Variants in ATG2B observed in about 807,000 individuals in gnomAD.
The protein encoded by ATG2B is autophagy-related protein 2 homolog B.
ATG2B carries 121 observed loss-of-function variants against 241.3 expected under a neutral mutation model. That is an observed-to-expected ratio of 0.50 (90% CI 0.43 to 0.58). ATG2B has a LOEUF of 0.58. Ranked by LOEUF, ATG2B falls within the 20% of genes least tolerant of loss-of-function variation. The probability of loss-of-function intolerance (pLI) is 0.00; values close to 1 mark genes in which losing one functional copy is unlikely to be tolerated. For missense variants in ATG2B, 2,306 were observed against 2,491.6 expected (o/e 0.93, Z 1.59); for synonymous variants, 858 against 876.6 (o/e 0.98, Z 0.37).
intron 4 of ATG2B, among the ~76,000 whole-genome samples, chr14:96,343,609 C>T (rs545451158): frequency 3.3e-5 from 5 of 152,084 alleles, no homozygotes; most frequent in African/African-American, 1.2e-4. Flanking sequence ...CTTTATGAGG[C>T]TTAAATTGAG....
intron 34 of ATG2B, among the ~76,000 whole-genome samples, chr14:96,297,443 G>A (rs1451373576): frequency 6.6e-6 from 1 of 152,094 alleles, no homozygotes; most frequent in East Asian, 1.9e-4. Context: ...TGTTGCCCAG[G>A]CTGGAGTGCA....
At position 96,291,032 on chromosome 14, in the gene ATG2B, AT is replaced by A. The variant is rs1886470112; in HGVS notation, c.5580-98del. ...TTTTTACTTAAAACAAATTCTACAA[AT>A]TATAAGGGCAAATATTACAGGTGCT... On this transcript the variant is annotated intron_variant, in intron 38 of 41. Coordinates refer to ENST00000359933, the MANE Select transcript of ATG2B (RefSeq NM_018036.7). 2.4e-5 allele frequency: 25 copies of A among 1,047,358 alleles called. No individual in the cohort carries two copies. In the South Asian group the frequency reaches 4.2e-4, roughly 18 times the overall value. The allele number at this position is 1,047,358 out of a possible 1,614,324, so 64.9% of individuals were successfully genotyped here.
chr14:96,306,303 C>T (rs1007483488), intron 30 of ATG2B, among the ~76,000 whole-genome samples: 1 of 140,610 alleles, frequency 7.1e-6, no homozygotes, highest in Non-Finnish European at 1.6e-5. Flanking sequence ...TTTCCAAATA[C>T]ACATACACAC....
intron 18 of ATG2B, among the ~76,000 whole-genome samples, chr14:96,319,453 C>T (rs1228315527): frequency 2.6e-5 from 4 of 151,994 alleles, no homozygotes; most frequent in African/African-American, 4.8e-5. Flanking sequence ...AAACAATTTT[C>T]GACACAGAAA....
At position 96,343,195 on chromosome 14, in the gene ATG2B, A is replaced by C; in HGVS notation, c.668T>G (p.Leu223Arg). The C allele has an allele frequency of 6.2e-7, 1 of 1,610,056 alleles. No individual in the cohort carries two copies. The highest frequency in any genetic ancestry group is 1.1e-5 in the South Asian group (1 of 90,702). ...PTAFAHKLLQ[L>R]SGVSLFWDEF... is the part of the protein sequence containing the mutation. ...ATCCCAGAAGAGAGACACTCCAGAG[A>C]GCTGAAGTAACTTGTGAGCAAAAGC... The change falls in exon 5 of 42, where the codon CTC becomes CGC. Residue 223 changes from leucine (L) to arginine (R), a missense_variant. Leu to Arg is a moderately radical substitution (Grantham distance 102, BLOSUM62 -2). Coordinates refer to ENST00000359933, the MANE Select transcript of ATG2B (RefSeq NM_018036.7).
chr14:96,296,693 G>A (rs1358852070), intron 34 of ATG2B, among the ~76,000 whole-genome samples: 5 of 151,446 alleles, frequency 3.3e-5, no homozygotes, highest in East Asian at 1.9e-4. Context: ...CCTGGGAGGC[G>A]GAGGCTGCAG....
Position 96,289,957 on chromosome 14 carries a change from A to G in ATG2B, c.5857-152T>C. On this transcript the variant is annotated intron_variant, in intron 40 of 41. Coordinates refer to ENST00000359933, the MANE Select transcript of ATG2B (RefSeq NM_018036.7). This position sits in a 1 kb window ranked among gnomAD's most constrained non-coding sequence, Gnocchi z 4.3. ...CTGCGTATCTGAATTCTTTACCACA[A>G]GAATTGATGACTTTTATAACGAGAA... is the stretch of plus-strand genomic sequence containing the variant. 1.1e-6 allele frequency: 1 copy of G among 908,726 alleles called. No individual in the cohort carries two copies. Among genetic ancestry groups the G allele is most frequent in the Non-Finnish European group, 1.6e-6 (1 of 619,626 alleles). The allele number at this position is 908,726 out of a possible 1,614,324, so 56.3% of individuals were successfully genotyped here.
chr14:96,335,617 C>T (rs1043361947), intron 6 of ATG2B, among the ~76,000 whole-genome samples: 4 of 152,096 alleles, frequency 2.6e-5, no homozygotes, highest in African/African-American at 9.7e-5. Flanking sequence ...CTAGGCTGAC[C>T]TGGAGGAAAA....
rs546611643 is a variant in ATG2B at position 96,342,980 on chromosome 14, C to T, written c.744+139G>A. ...TTCAAATCTCTGAAACATATATTAC[C>T]ATTACTGAATATTTGCATTAAATCT... On this transcript the variant is annotated intron_variant, in intron 5 of 41. Coordinates refer to ENST00000359933, the MANE Select transcript of ATG2B (RefSeq NM_018036.7). 9 of 552,122 alleles carry T rather than the reference C, an allele frequency of 1.6e-5. No individual in the cohort carries two copies. In the East Asian group the frequency reaches 2.1e-4, roughly 13 times the overall value. The allele number at this position is 552,122 out of a possible 1,614,324, so 34.2% of individuals were successfully genotyped here.
At chr14:96,326,454 C>T (rs777534320) in intron 14 of ATG2B, among the ~76,000 whole-genome samples, 9 of 152,112 alleles carry the variant, frequency 5.9e-5, no homozygotes, top group Non-Finnish European at 1.0e-4. Context: ...CACTAAATGA[C>T]GCACTCTGAG....
chr14:96,322,726 C>G lies in ATG2B; in HGVS notation c.2550G>C (p.Leu850=). Reference sequence around the variant, plus strand: ...AATGCATGGCTGGTGGATTTATTTTCAGTACAATTCTGATAGCAAAGACAA... The same window carrying G: ...AATGCATGGCTGGTGGATTTATTTTGAGTACAATTCTGATAGCAAAGACAA... The part of the protein sequence containing the change: ...SDDFDWPRIV[L]KINPPAMHSI... The change falls in exon 17 of 42, where the codon CTG becomes CTC. Residue 850 remains leucine (L), a synonymous_variant. Coordinates refer to ENST00000359933, the MANE Select transcript of ATG2B (RefSeq NM_018036.7). 6.2e-7 allele frequency: 1 copy of G among 1,610,854 alleles called. No individual in the cohort carries two copies. Among genetic ancestry groups the G allele is most frequent in the Non-Finnish European group, 8.5e-7 (1 of 1,178,956 alleles).
At chr14:96,360,933 C>CAAAAAAA (rs35630598) in intron 1 of ATG2B, among the ~76,000 whole-genome samples, 8 of 73,650 alleles carry the variant, frequency 1.1e-4, no homozygotes, top group Middle Eastern at 9.3e-3. Context: ...AATCCTCTAC[C>CAAAAAAA]AAAAAAAAAA....
At chr14:96,300,048 G>A (rs1886748538) in intron 34 of ATG2B, among the ~76,000 whole-genome samples, 1 of 152,130 alleles carries the variant, frequency 6.6e-6, no homozygotes, top group South Asian at 2.1e-4. Context: ...CATATTTGTG[G>A]TGTGGCTTTG....
chr14:96,339,549 G>A (rs560430972), intron 6 of ATG2B, among the ~76,000 whole-genome samples: 33 of 151,710 alleles, frequency 2.2e-4, no homozygotes, highest in African/African-American at 8.0e-4. Context: ...GCCATAAAAA[G>A]GAACAAAATA....
At chr14:96,315,359 T>C (rs371428814) in intron 22 of ATG2B, 25 bp downstream of exon 22, 1 of 1,605,278 alleles carries the variant, frequency 6.2e-7, no homozygotes, top group Non-Finnish European at 8.5e-7. Context: ...AAATCAACAG[T>C]GGCATAAAAG....
rs765873861 is a variant in ATG2B at position 96,315,374 on chromosome 14, A to C, written c.3561+10T>G. 1 of 1,612,930 alleles carries C rather than the reference A, an allele frequency of 6.2e-7. No homozygotes were observed. Among genetic ancestry groups the C allele is most frequent in the African/African-American group, 1.3e-5 (1 of 74,882 alleles). On this transcript the variant is annotated intron_variant, in intron 22 of 41. Transcript: ENST00000359933. Reference sequence around the variant, plus strand: ...AAATCAACAGTGGCATAAAAGTACAAAACACAAACCTTTGTATTGGACTCT... The same window carrying C: ...AAATCAACAGTGGCATAAAAGTACACAACACAAACCTTTGTATTGGACTCT...
rs111528193 is a variant in ATG2B, at chr14:96,357,299, T to C, written c.162+5516A>G. Among the ~76,000 whole-genome samples, 444 of 152,302 alleles carry C rather than the reference T, an allele frequency of 2.9e-3. 1 individual carries two copies. Among genetic ancestry groups the C allele is most frequent in the African/African-American group, 0.01 (418 of 41,568 alleles). On this transcript the variant is annotated intron_variant, in intron 1 of 41. Coordinates refer to ENST00000359933, the MANE Select transcript of ATG2B (RefSeq NM_018036.7). ...AATGTTGGAGTTCATCTAAGTTTCA[T>C]CTTCGGCCTTTTTTGTTTCTCAAGC...
intron 6 of ATG2B, among the ~76,000 whole-genome samples, chr14:96,337,710 G>A (rs1317618784): frequency 6.6e-6 from 1 of 152,062 alleles, no homozygotes; most frequent in Non-Finnish European, 1.5e-5. Context: ...GTCCAGTAAT[G>A]TGATAACCCC....
intron 31 of ATG2B, 62 bp from the exon 32 acceptor site, chr14:96,304,665 G>A: frequency 8.0e-7 from 1 of 1,256,570 alleles, no homozygotes; most frequent in Non-Finnish European, 1.1e-6. Context: ...GAAAGTCAAT[G>A]AATGACATTA....
Sources: allele counts gnomAD v4.1 joint callset (sites outside exome capture counted in the v4.1 genomes callset), GRCh38; gene constraint gnomAD v4.1.1; non-coding constraint Gnocchi (gnomAD v3.1); transcripts MANE v1.5; gene names NCBI Gene and HGNC (gene_info 2026-07-23, HGNC 2026-07-21).